The following VAT1L variants were observed in gnomAD, a reference collection of about 807,000 sequenced individuals.
VAT1L encodes putative NADPH-dependent quinone oxidoreductase VAT1L.
In VAT1L, 34 loss-of-function variants were observed where a neutral mutation model predicts 44.1. The ratio of observed to expected loss-of-function variants is 0.77; its 90% CI spans 0.59 to 1.03. VAT1L has a LOEUF of 1.03. Among genes scored for constraint, VAT1L ranks in the 50% least tolerant of loss-of-function variants. The pLI, the probability that VAT1L is intolerant of heterozygous loss-of-function variation, is 0.00. For missense variants in VAT1L, 615 were observed against 538.8 expected (o/e 1.14, Z -1.40); for synonymous variants, 253 against 202.2 (o/e 1.25, Z -2.13).
chr16:77,936,281 C>A (rs181655192), intron 7 of VAT1L, among the ~76,000 whole-genome samples: 1 of 152,292 alleles, frequency 6.6e-6, no homozygotes, highest in South Asian at 2.1e-4. Flanking sequence ...CACTTAAACC[C>A]TCTGGGACAA....
chr16:77,963,638 C>T (rs189811780), intron 7 of VAT1L, among the ~76,000 whole-genome samples: 161 of 151,804 alleles, frequency 1.1e-3, no homozygotes, highest in African/African-American at 3.8e-3. Context: ...GGGGAAAAAC[C>T]CACAGTGTCA....
chr16:77,925,832 T>C (rs1280108689), intron 7 of VAT1L, among the ~76,000 whole-genome samples: 1 of 148,768 alleles, frequency 6.7e-6, no homozygotes, highest in East Asian at 2.0e-4. Context: ...CATCTTCCTT[T>C]AATTCCCCCC....
At chr16:77,837,580 C>G (rs368804704) in intron 3 of VAT1L, among the ~76,000 whole-genome samples, 19 of 152,062 alleles carry the variant, frequency 1.2e-4, no homozygotes, top group African/African-American at 4.3e-4. Flanking sequence ...ATGAAAGAAT[C>G]AAGGGAAAGA....
chr16:77,891,907 C>T (rs910857288), intron 7 of VAT1L, among the ~76,000 whole-genome samples: 1 of 152,230 alleles, frequency 6.6e-6, no homozygotes, highest in Admixed American at 6.5e-5. Flanking sequence ...CCTGTCTCTA[C>T]TAAGAATACA....
chr16:77,887,558 C>T (rs2017221641), intron 7 of VAT1L, among the ~76,000 whole-genome samples: 2 of 152,144 alleles, frequency 1.3e-5, no homozygotes, highest in Non-Finnish European at 2.9e-5. Context: ...GGCAGCAAGA[C>T]TCATCTCCAA....
At chr16:77,927,469 C>G (rs1330573045) in intron 7 of VAT1L, among the ~76,000 whole-genome samples, 2 of 152,096 alleles carry the variant, frequency 1.3e-5, no homozygotes, top group Admixed American at 6.5e-5. Context: ...CCAATTGATC[C>G]ATCTCCAGAA....
chr16:77,957,475 C>G (rs1164723189), intron 7 of VAT1L, among the ~76,000 whole-genome samples: 1 of 152,032 alleles, frequency 6.6e-6, no homozygotes, highest in Non-Finnish European at 1.5e-5. Flanking sequence ...GCCTATAATC[C>G]CAGCACTTTG....
At chr16:77,845,411 C>A (rs1339908749) in intron 3 of VAT1L, among the ~76,000 whole-genome samples, 1 of 152,108 alleles carries the variant, frequency 6.6e-6, no homozygotes, top group Non-Finnish European at 1.5e-5. Context: ...CAGAGGGGCC[C>A]CACTAGAATA....
chr16:77,920,456 C>T (rs2017599539), intron 7 of VAT1L, among the ~76,000 whole-genome samples: 1 of 152,176 alleles, frequency 6.6e-6, no homozygotes, highest in African/African-American at 2.4e-5. Context: ...AGGAACAAAA[C>T]AACTCCACAC....
chr16:77,795,421 A>G (rs1373393494), intron 1 of VAT1L, among the ~76,000 whole-genome samples: 2 of 152,262 alleles, frequency 1.3e-5, no homozygotes, highest in East Asian at 3.8e-4. Context: ...CAGCTTAATA[A>G]CAAATAGCTA....
intron 3 of VAT1L, among the ~76,000 whole-genome samples, chr16:77,858,787 C>A (rs1465749419): frequency 6.6e-6 from 1 of 151,990 alleles, no homozygotes; most frequent in Non-Finnish European, 1.5e-5. Context: ...TTACTTGAGG[C>A]CAGGAATTCT....
chr16:77,977,271 A>G (rs996112800), intron 8 of VAT1L, among the ~76,000 whole-genome samples: 42 of 152,194 alleles, frequency 2.8e-4, no homozygotes, highest in Admixed American at 9.8e-4. Context: ...CCCCAGCAGG[A>G]CTGAGTCCCA....
intron 7 of VAT1L, among the ~76,000 whole-genome samples, chr16:77,919,988 A>G (rs1245118165): frequency 2.0e-5 from 3 of 152,208 alleles, no homozygotes; most frequent in Non-Finnish European, 4.4e-5. Context: ...AGAGTCTGAC[A>G]TACGAGAATT....
At chr16:77,963,015 C>T (rs565170941) in intron 7 of VAT1L, among the ~76,000 whole-genome samples, 3 of 152,156 alleles carry the variant, frequency 2.0e-5, no homozygotes, top group East Asian at 1.9e-4. Flanking sequence ...TTTCAGAAAT[C>T]GAGTAGAGGG....
chr16:77,936,001 C>T (rs1357660414), intron 7 of VAT1L, among the ~76,000 whole-genome samples: 1 of 152,176 alleles, frequency 6.6e-6, no homozygotes, highest in African/African-American at 2.4e-5. Flanking sequence ...CTTTTTGACA[C>T]TCCTTAATTT....
In VAT1L at chr16:77,827,521, A is replaced by C. The variant is rs572349381; in HGVS notation, c.579+2060A>C. Among the ~76,000 whole-genome samples the C allele has an allele frequency of 5.3e-5, 8 of 152,356 alleles. No homozygotes were observed. The South Asian group carries it at 1.7e-3, about 32-fold the overall frequency. ...GCTTACAGATGCTACCGACAATACT[A>C]ACTAAAGTGTAAAACAGGTGAAGGA... On this transcript the variant is annotated intron_variant, in intron 3 of 8. Transcript: ENST00000302536.
intron 1 of VAT1L, chr16:77,801,213 C>A (rs934961293): frequency 1.3e-5 from 2 of 151,638 alleles, no homozygotes; most frequent in African/African-American, 4.8e-5. Flanking sequence ...TACCAAGCAT[C>A]CTACCCGTGA....
chr16:77,974,018 G>A (rs940123613), intron 8 of VAT1L, among the ~76,000 whole-genome samples: 2 of 152,158 alleles, frequency 1.3e-5, no homozygotes, highest in African/African-American at 4.8e-5. Context: ...CACCCGGCCA[G>A]GAGTGTGTAT....
intron 7 of VAT1L, among the ~76,000 whole-genome samples, chr16:77,917,182 G>T (rs1242429398): frequency 6.6e-6 from 1 of 152,010 alleles, no homozygotes; most frequent in Non-Finnish European, 1.5e-5. Flanking sequence ...ACGATAAGAG[G>T]GGAGAAAAAG....
Sources: allele counts gnomAD v4.1 joint callset (sites outside exome capture counted in the v4.1 genomes callset), GRCh38; gene constraint gnomAD v4.1.1; transcripts MANE v1.5; gene names NCBI Gene and HGNC (gene_info 2026-07-23, HGNC 2026-07-21).